UBE2N: variants seen among roughly 807,000 people sequenced by gnomAD.
UBE2N encodes ubiquitin-conjugating enzyme E2 N.
For missense variants in UBE2N, 60 were observed against 192.1 expected, an observed-to-expected ratio of 0.31 and a Z score of 4.07; for synonymous variants, 70 against 69.2, an observed-to-expected ratio of 1.01 and a Z score of -0.06.
intron 1 of UBE2N, among the ~76,000 whole-genome samples, chr12:93,419,803 T>C (rs1263739205): frequency 6.6e-6 from 1 of 152,224 alleles, no homozygotes; most frequent in Non-Finnish European, 1.5e-5. Context: ...GAAAAAGACC[T>C]ATAGATTCCA....
At chr12:93,434,010 T>C (rs1878846817) in intron 1 of UBE2N, among the ~76,000 whole-genome samples, 1 of 152,234 alleles carries the variant, frequency 6.6e-6, no homozygotes, top group African/African-American at 2.4e-5. Context: ...TTCTCTAATG[T>C]GTAAAACTCT....
At chr12:93,410,330 C>A in intron 3 of UBE2N, 1 of 499,432 alleles carries the variant, frequency 2.0e-6, no homozygotes, top group Non-Finnish European at 3.5e-6. Context: ...TTTCTAGATA[C>A]ACAATTCTCC....
At chr12:93,410,179 T>C (rs1283768616) in intron 3 of UBE2N, 100 bp from the exon 4 acceptor site, 4 of 1,202,206 alleles carry the variant, frequency 3.3e-6, no homozygotes, top group Non-Finnish European at 4.8e-6. Flanking sequence ...TATGGAAATG[T>C]CATGCTGTAA....
At position 93,411,232 on chromosome 12, in the gene UBE2N, C is replaced by T. The variant is rs373092846; in HGVS notation, c.98G>A (p.Arg33His). The change falls in exon 2 of 4, where the codon CGT becomes CAT. Residue 33 changes from arginine to histidine, a missense_variant. By Grantham distance (29) the Arg-to-His change is conservative (BLOSUM62 0). Transcript: ENST00000318066. The stretch of plus-strand genomic sequence containing the variant: ...GCCAGCAATGACCACATGAAAATAA[C>T]GGGCGTTGCTCTCATCTGGTTCGGC... ...IKAEPDESNA[R>H]YFHVVIAGPQ... 2 of 1,614,074 alleles carry T rather than the reference C, an allele frequency of 1.2e-6. No individual in the cohort carries two copies. Among genetic ancestry groups the T allele is most frequent in the South Asian group, 2.2e-5 (2 of 91,088 alleles).
rs370651956 is a variant in UBE2N at position 93,434,293 on chromosome 12, C to CA, written c.30+7561dup. On this transcript the variant is annotated intron_variant, in intron 1 of 3. Coordinates refer to ENST00000318066, the MANE Select transcript of UBE2N (RefSeq NM_003348.4). ...GCGACAGAGCGAGACTCCGTCTCAA[C>CA]AAAAAAAAACTCTGGTTTTAAGAGT... Among the ~76,000 whole-genome samples the CA allele has an allele frequency of 1.2e-3, 186 of 150,592 alleles. 1 individual carries two copies. Among genetic ancestry groups the CA allele is most frequent in the Admixed American group, 3.0e-3 (45 of 15,136 alleles).
At chr12:93,426,221 T>G (rs1216840240) in intron 1 of UBE2N, among the ~76,000 whole-genome samples, 1 of 152,190 alleles carries the variant, frequency 6.6e-6, no homozygotes, top group Non-Finnish European at 1.5e-5. Context: ...CTAGGGCTGA[T>G]GTATTACAAT....
chr12:93,440,428 C>T lies in UBE2N; in HGVS notation c.30+1427G>A, dbSNP rs556962315. ...TGCTCCCTGACAATCTGTTCTACTTCTCTCATTTCTAAGAATTTCTACCAT... is the reference window on the plus strand; with the variant it reads ...TGCTCCCTGACAATCTGTTCTACTTTTCTCATTTCTAAGAATTTCTACCAT... On this transcript the variant is annotated intron_variant, in intron 1 of 3. Coordinates refer to ENST00000318066, the MANE Select transcript of UBE2N (RefSeq NM_003348.4). Among the ~76,000 whole-genome samples the T allele has an allele frequency of 2.4e-4, 36 of 152,340 alleles. 1 individual carries two copies. The highest frequency in any genetic ancestry group is 6.7e-4 in the African/African-American group (28 of 41,584).
intron 1 of UBE2N, among the ~76,000 whole-genome samples, chr12:93,411,727 T>C (rs557559750): frequency 1.4e-4 from 21 of 152,214 alleles, no homozygotes; most frequent in African/African-American, 4.8e-4. Context: ...AGATCTCACT[T>C]TGTCACTCAC....
At chr12:93,437,392 T>C (rs745673118) in intron 1 of UBE2N, among the ~76,000 whole-genome samples, 2 of 149,360 alleles carry the variant, frequency 1.3e-5, no homozygotes, top group African/African-American at 2.5e-5. Context: ...TGAAGATACA[T>C]AGGTGGTTAG....
At chr12:93,436,536 T>C (rs1009155630) in intron 1 of UBE2N, among the ~76,000 whole-genome samples, 1 of 152,254 alleles carries the variant, frequency 6.6e-6, no homozygotes, top group Admixed American at 6.5e-5. Flanking sequence ...CCGAAAGTGA[T>C]TCTCCTTTAT....
At chr12:93,429,563 T>TAAA (rs34053448) in intron 1 of UBE2N, among the ~76,000 whole-genome samples, 4 of 138,780 alleles carry the variant, frequency 2.9e-5, no homozygotes, top group Non-Finnish European at 4.7e-5. Context: ...TTCTGCTTGT[T>TAAA]AAAAAAAAAA....
intron 1 of UBE2N, among the ~76,000 whole-genome samples, chr12:93,425,687 G>A (rs1878558783): frequency 1.3e-5 from 2 of 152,164 alleles, no homozygotes; most frequent in Non-Finnish European, 2.9e-5. Flanking sequence ...AGCAGTGACT[G>A]CAAAGAGCAG....
In UBE2N at chr12:93,406,369, T is replaced by A. The variant is rs1877819696; in HGVS notation, c.*3670A>T. On this transcript the variant is annotated 3_prime_UTR_variant, in exon 4 of 4. Coordinates refer to ENST00000318066, the MANE Select transcript of UBE2N (RefSeq NM_003348.4). ...CTATCATTTCCTCGATCCAATTTAG[T>A]TCCACTTAGGTCACTGTGTTTATAA... 1 of 151,408 alleles carries A rather than the reference T, an allele frequency of 6.6e-6. No individual in the cohort carries two copies. Among genetic ancestry groups the A allele is most frequent in the Non-Finnish European group, 1.5e-5 (1 of 67,922 alleles). 9.4% of individuals were successfully genotyped at this position (151,408 alleles called of 1,614,324 possible).
rs897902304 is a variant in UBE2N, at chr12:93,406,611, A to G, written c.*3428T>C. ...TCAAACAACCAGACAAAATATTCCA[A>G]AAAACATTGTGTCTGTAGTCAACAT... On this transcript the variant is annotated 3_prime_UTR_variant, in exon 4 of 4. Transcript: ENST00000318066. The G allele has an allele frequency of 6.6e-6, 1 of 152,258 alleles. No individual in the cohort carries two copies. Among genetic ancestry groups the G allele is most frequent in the African/African-American group, 2.4e-5 (1 of 41,448 alleles). 9.4% of individuals were successfully genotyped at this position (152,258 alleles called of 1,614,324 possible).
chr12:93,427,474 C>G (rs1878630427), intron 1 of UBE2N, among the ~76,000 whole-genome samples: 1 of 152,180 alleles, frequency 6.6e-6, no homozygotes, highest in Non-Finnish European at 1.5e-5. Flanking sequence ...ACCTTGAAAA[C>G]ATGCTAAATG....
In UBE2N at chr12:93,410,805, T is replaced by C. The variant is rs1565791298; in HGVS notation, c.347A>G (p.Asn116Ser). Residue 116 changes from asparagine (N) to serine (S), a missense_variant, in exon 3 of 4, where the codon AAT becomes AGT. Physicochemically the swap from Asn to Ser is conservative, Grantham distance 46 (BLOSUM62 1). Transcript: ENST00000318066. ...ATCATTTGCTAATGGATCATCTGGA[T>C]TGGGAGCACTTAACAAGGCCTGGAT... ...LSIQALLSAP[N>S]PDDPLANDVA... 1 of 1,614,200 alleles carries C rather than the reference T, an allele frequency of 6.2e-7. No individual in the cohort carries two copies. The highest frequency in any genetic ancestry group is 8.5e-7 in the Non-Finnish European group (1 of 1,180,042).
At chr12:93,412,851 A>C (rs953886928) in intron 1 of UBE2N, among the ~76,000 whole-genome samples, 5 of 152,262 alleles carry the variant, frequency 3.3e-5, no homozygotes, top group African/African-American at 1.2e-4. Context: ...TAAGCATGCC[A>C]GGGCAAATAT....
At chr12:93,433,806 C>T (rs1878840335) in intron 1 of UBE2N, among the ~76,000 whole-genome samples, 2 of 152,154 alleles carry the variant, frequency 1.3e-5, no homozygotes, top group South Asian at 2.1e-4. Context: ...TAACAGAAAA[C>T]ATAATGTGTG....
chr12:93,419,714 T>C (rs1565793742), intron 1 of UBE2N, among the ~76,000 whole-genome samples: 1 of 152,218 alleles, frequency 6.6e-6, no homozygotes, highest in Non-Finnish European at 1.5e-5. Flanking sequence ...TTTGCTAAGC[T>C]TTTTAAACTT....
Sources: gnomAD v4.1 joint callset for allele counts (sites outside exome capture counted in the v4.1 genomes callset) on GRCh38, gnomAD v4.1.1 for gene constraint, MANE v1.5 for transcripts, NCBI Gene and HGNC (gene_info 2026-07-23, HGNC 2026-07-21) for gene names.